The following MRPL50 variants were observed in gnomAD, a reference collection of about 807,000 sequenced individuals.
MRPL50 encodes the protein large ribosomal subunit protein mL50.
Under a neutral mutation model 16.2 loss-of-function variants are expected in MRPL50, and 10 were observed. The observed-to-expected ratio is 0.62, with a 90% CI of 0.38 to 1.05. The LOEUF (loss-of-function observed/expected upper bound fraction) is 1.05, where lower values mean the gene tolerates loss of function less well. Ranked by LOEUF, MRPL50 falls within the 50% of genes least tolerant of loss-of-function variation. The pLI is 0.01. For missense variants in MRPL50, 213 were observed against 187.1 expected (o/e 1.14, Z -0.81); for synonymous variants, 68 against 66.8 (o/e 1.02, Z -0.09).
chr9:101,395,459 G>A (rs1830327207), intron 1 of MRPL50, among the ~76,000 whole-genome samples: 1 of 152,056 alleles, frequency 6.6e-6, no homozygotes, highest in Non-Finnish European at 1.5e-5. Flanking sequence ...AGAGATATCT[G>A]TACTCCATGT....
intron 1 of MRPL50, among the ~76,000 whole-genome samples, chr9:101,397,686 A>T (rs1333319677): frequency 6.6e-6 from 1 of 152,226 alleles, no homozygotes; most frequent in Non-Finnish European, 1.5e-5. Flanking sequence ...TTGACCAAAG[A>T]AGAGGGAAAG....
intron 1 of MRPL50, among the ~76,000 whole-genome samples, chr9:101,394,441 A>AC (rs768188931): frequency 4.0e-5 from 6 of 151,788 alleles, no homozygotes; most frequent in Non-Finnish European, 8.8e-5. Flanking sequence ...ACTCACTTAG[A>AC]CCCCCTATGA....
At chr9:101,392,081 G>A (rs1830280891) in intron 1 of MRPL50, among the ~76,000 whole-genome samples, 1 of 151,964 alleles carries the variant, frequency 6.6e-6, no homozygotes, top group Non-Finnish European at 1.5e-5. Flanking sequence ...AGTCAATGAT[G>A]AAATTAGGAA....
chr9:101,395,578 C>G (rs1296687119), intron 1 of MRPL50, among the ~76,000 whole-genome samples: 1 of 151,962 alleles, frequency 6.6e-6, no homozygotes, highest in Non-Finnish European at 1.5e-5. Context: ...GAATATTATT[C>G]AGCCATTAAA....
In MRPL50 at chr9:101,390,787, A is replaced by T. The variant is rs767635494; in HGVS notation, c.156T>A (p.Cys52Ter). Reference sequence around the variant, plus strand: ...TGTATGCTCGGCTTCGTAAAGGTGGACACACTAGGATAGGTTCCTTTTTCT... The same window carrying T: ...TGTATGCTCGGCTTCGTAAAGGTGGTCACACTAGGATAGGTTCCTTTTTCT... ...VEEKKEPILV[C>*]PPLRSRAYTP... Residue 52 changes from cysteine to a stop codon, truncating the protein, a stop_gained, in exon 2 of 2, where the codon TGT becomes TGA. Transcript: ENST00000374865. LOFTEE classifies it high-confidence loss of function. 1 of 1,613,564 alleles carries T rather than the reference A, an allele frequency of 6.2e-7. No individual in the cohort carries two copies. Among genetic ancestry groups the T allele is most frequent in the Non-Finnish European group, 8.5e-7 (1 of 1,179,624 alleles).
Position 101,390,376 on chromosome 9 carries a change from T to G in MRPL50, c.*90A>C. On this transcript the variant is annotated 3_prime_UTR_variant, in exon 2 of 2. Coordinates refer to ENST00000374865, the MANE Select transcript of MRPL50 (RefSeq NM_019051.3). ...GGTTTAGAGAACAGTTCTGGTAGTA[T>G]TTCACATGGTAAAGTATCAAAAGAT... The G allele has an allele frequency of 6.6e-7, 1 of 1,518,860 alleles. No homozygotes were observed. Among genetic ancestry groups the G allele is most frequent in the Non-Finnish European group, 8.8e-7 (1 of 1,137,018 alleles). The allele number at this position is 1,518,860 out of a possible 1,614,324, so 94.1% of individuals were successfully genotyped here.
rs565178586 is a variant in MRPL50, at chr9:101,390,159, T to C, written c.*307A>G. ...CTTTCTTGCAACTACTTTATGCTTATGAAAGGTGTGAACTTGCAATGTCCT... is the reference window on the plus strand; with the variant it reads ...CTTTCTTGCAACTACTTTATGCTTACGAAAGGTGTGAACTTGCAATGTCCT... On this transcript the variant is annotated 3_prime_UTR_variant, in exon 2 of 2. Transcript: ENST00000374865. 9.2e-6 allele frequency: 10 copies of C among 1,085,736 alleles called. No homozygotes were observed. The East Asian group carries it at 3.3e-4, about 36-fold the overall frequency. The allele number at this position is 1,085,736 out of a possible 1,614,324, so 67.3% of individuals were successfully genotyped here.
At chr9:101,396,857 G>A (rs945688576) in intron 1 of MRPL50, among the ~76,000 whole-genome samples, 6 of 152,098 alleles carry the variant, frequency 3.9e-5, no homozygotes, top group South Asian at 2.1e-4. Context: ...CAGGAGAATC[G>A]CTTGAACCTG....
intron 1 of MRPL50, among the ~76,000 whole-genome samples, chr9:101,391,998 C>T (rs1032909584): frequency 2.0e-5 from 3 of 151,958 alleles, no homozygotes; most frequent in Non-Finnish European, 2.9e-5. Flanking sequence ...TGAAATATAA[C>T]TAGAAATCAA....
In MRPL50 at chr9:101,387,646, A is replaced by C. The variant is rs572773084; in HGVS notation, c.*2820T>G. The C allele has an allele frequency of 1.3e-5, 2 of 152,098 alleles. No homozygotes were observed. Among genetic ancestry groups the C allele is most frequent in the East Asian group, 3.9e-4 (2 of 5,164 alleles). The allele number at this position is 152,098 out of a possible 1,614,324, so 9.4% of individuals were successfully genotyped here. A position where few individuals can be genotyped will look rare whatever the true frequency, so the allele number is the denominator to read the frequency against. On this transcript the variant is annotated 3_prime_UTR_variant, in exon 2 of 2. Transcript: ENST00000374865. ...ATGACACGTTAAGAAAGGAGGGAGG[A>C]GTTTATTTTATGCAGTTTAAAACAT... is the stretch of plus-strand genomic sequence containing the variant.
chr9:101,395,929 A>T (rs956443989), intron 1 of MRPL50, among the ~76,000 whole-genome samples: 3 of 152,230 alleles, frequency 2.0e-5, no homozygotes, highest in Non-Finnish European at 2.9e-5. Flanking sequence ...ATTTCAAAAT[A>T]GCTAGAAGTG....
rs1830250286 is a variant in MRPL50, at chr9:101,390,148, C to T, written c.*318G>A. ...GGATGAAAATACTTTCTTGCAACTA[C>T]TTTATGCTTATGAAAGGTGTGAACT... On this transcript the variant is annotated 3_prime_UTR_variant, in exon 2 of 2. Transcript: ENST00000374865. 1.9e-6 allele frequency: 2 copies of T among 1,064,382 alleles called. No homozygotes were observed. Among genetic ancestry groups the T allele is most frequent in the African/African-American group, 1.7e-5 (1 of 59,118 alleles). 65.9% of individuals were successfully genotyped at this position (1,064,382 alleles called of 1,614,324 possible).
rs1051659252 is a variant in MRPL50, at chr9:101,387,640, GGGA to G, written c.*2823_*2825del. 6.6e-6 allele frequency: 1 copy of G among 152,060 alleles called. No individual in the cohort carries two copies. The highest frequency in any genetic ancestry group is 2.4e-5 in the African/African-American group (1 of 41,416). The allele number at this position is 152,060 out of a possible 1,614,324, so 9.4% of individuals were successfully genotyped here. A position where few individuals can be genotyped will look rare whatever the true frequency, so the allele number is the denominator to read the frequency against. ...AGAAAAATGACACGTTAAGAAAGGA[GGGA>G]GGAGTTTATTTTATGCAGTTTAAAA... On this transcript the variant is annotated 3_prime_UTR_variant, in exon 2 of 2. Transcript: ENST00000374865.
chr9:101,390,984 T>C, intron 1 of MRPL50, 134 bp from the exon 2 acceptor site: 1 of 975,274 alleles, frequency 1.0e-6, no homozygotes, highest in South Asian at 1.7e-5. Context: ...GGAAAGAATA[T>C]GGTAGGCCCC....
At chr9:101,394,685 T>C (rs1830317855) in intron 1 of MRPL50, among the ~76,000 whole-genome samples, 1 of 152,180 alleles carries the variant, frequency 6.6e-6, no homozygotes, top group South Asian at 2.1e-4. Flanking sequence ...GTTACAAAAT[T>C]ATAACCCTAC....
At chr9:101,397,684 A>T (rs1830376111) in intron 1 of MRPL50, among the ~76,000 whole-genome samples, 1 of 152,248 alleles carries the variant, frequency 6.6e-6, no homozygotes, top group Non-Finnish European at 1.5e-5. Flanking sequence ...TATTGACCAA[A>T]GAAGAGGGAA....
intron 1 of MRPL50, among the ~76,000 whole-genome samples, 162 bp downstream of exon 1, chr9:101,398,339 C>A (rs1394176925): frequency 2.6e-5 from 4 of 152,174 alleles, no homozygotes; most frequent in African/African-American, 9.7e-5. Flanking sequence ...CTGGGTCCCA[C>A]CACTCAATGA....
rs1468209903 is a variant in MRPL50, at chr9:101,393,505, TTA to T, written c.93-2657_93-2656del. ...TGTATCATACGTAAGATATATGATC[TTA>T]TATATCTTGTTGATATATGATCTTG... On this transcript the variant is annotated intron_variant, in intron 1 of 1. Coordinates refer to ENST00000374865, the MANE Select transcript of MRPL50 (RefSeq NM_019051.3). Among the ~76,000 whole-genome samples the T allele has an allele frequency of 3.9e-5, 6 of 152,310 alleles. No homozygotes were observed. The East Asian group carries it at 5.8e-4, about 15-fold the overall frequency.
intron 1 of MRPL50, among the ~76,000 whole-genome samples, chr9:101,397,369 G>A (rs138598742): frequency 4.0e-4 from 61 of 152,244 alleles, no homozygotes; most frequent in African/African-American, 1.4e-3. Flanking sequence ...TCAACATCAA[G>A]TTGTATATCT....
Sources: allele counts gnomAD v4.1 joint callset (sites outside exome capture counted in the v4.1 genomes callset), GRCh38; gene constraint gnomAD v4.1.1; transcripts MANE v1.5; gene names NCBI Gene and HGNC (gene_info 2026-07-23, HGNC 2026-07-21).